SMAD1: variants seen among roughly 807,000 people sequenced by gnomAD.
SMAD1 encodes MAD, mothers against decapentaplegic homolog 1.
Under a neutral mutation model 41.6 loss-of-function variants are expected in SMAD1, and 6 were observed. The ratio of observed to expected loss-of-function variants is 0.14; its 90% CI spans 0.08 to 0.28. The LOEUF is 0.28. Ranked by LOEUF, SMAD1 falls within the 10% of genes least tolerant of loss-of-function variation. The pLI is 1.00. For synonymous variants in SMAD1, 206 were observed against 203.2 expected, an observed-to-expected ratio of 1.01 and a Z score of -0.12; for missense variants, 379 against 582.6, an observed-to-expected ratio of 0.65 and a Z score of 3.60.
intron 3 of SMAD1, among the ~76,000 whole-genome samples, chr4:145,541,481 C>A (rs534110269): frequency 6.6e-6 from 1 of 152,202 alleles, no homozygotes; most frequent in East Asian, 1.9e-4. Flanking sequence ...GAGATAAAGC[C>A]GAGTCAGCCT....
intron 1 of SMAD1, among the ~76,000 whole-genome samples, chr4:145,505,168 T>C (rs753732214): frequency 6.6e-6 from 1 of 152,158 alleles, no homozygotes; most frequent in Non-Finnish European, 1.5e-5. Context: ...GTAGTTTGTT[T>C]TATAGTAATG....
At chr4:145,496,380 G>A (rs1729075356) in intron 1 of SMAD1, among the ~76,000 whole-genome samples, 1 of 152,032 alleles carries the variant, frequency 6.6e-6, no homozygotes, top group African/African-American at 2.4e-5. Context: ...TGTTCTATAG[G>A]ACTCGTGTAA....
chr4:145,518,489 CAAAAA>C (rs1182470055), intron 2 of SMAD1, among the ~76,000 whole-genome samples: 1 of 84,078 alleles, frequency 1.2e-5, no homozygotes, highest in East Asian at 2.4e-4. Flanking sequence ...AACTCCATCT[CAAAAA>C]AAAAAAATAA....
rs752762368 is a variant in SMAD1 at position 145,542,667 on chromosome 4, G to A, written c.744G>A (p.Ala248=). The part of the protein sequence containing the change: ...GSQPMDTNMM[A]PPLPSEINRG... ...AGCCGATGGACACAAACATGATGGC[G>A]CCTCCCCTGCCCTCAGAAATCAACA... is the stretch of plus-strand genomic sequence containing the variant. The change falls in exon 4 of 7, where the codon GCG becomes GCA. Residue 248 remains alanine (A), a synonymous_variant. Coordinates refer to ENST00000302085, the MANE Select transcript of SMAD1 (RefSeq NM_005900.3). 9.3e-6 allele frequency: 15 copies of A among 1,612,082 alleles called. No homozygotes were observed. The African/African-American group carries it at 1.2e-4, about 13-fold the overall frequency.
Position 145,540,199 on chromosome 4 carries a change from A to T in SMAD1, c.658+138A>T, listed in dbSNP as rs1482166656. The T allele has an allele frequency of 3.2e-6, 3 of 948,538 alleles. No homozygotes were observed. The East Asian group carries it at 7.5e-5, about 24-fold the overall frequency. 58.8% of individuals were successfully genotyped at this position (948,538 alleles called of 1,614,324 possible). On this transcript the variant is annotated intron_variant, in intron 3 of 6. Transcript: ENST00000302085. Reference sequence around the variant, plus strand: ...GACATAGTGCTCTCGCACTTTTAGGATACAACTTTTGGTGAAAGGAGACCT... The same window carrying T: ...GACATAGTGCTCTCGCACTTTTAGGTTACAACTTTTGGTGAAAGGAGACCT...
At chr4:145,557,332 A>C (rs2126567147) in intron 6 of SMAD1, among the ~76,000 whole-genome samples, 1 of 152,356 alleles carries the variant, frequency 6.6e-6, no homozygotes, top group African/African-American at 2.4e-5. Flanking sequence ...TGAAAGATCA[A>C]GAGCTGTGTG....
chr4:145,533,231 T>C (rs992850574), intron 2 of SMAD1, among the ~76,000 whole-genome samples: 1 of 152,230 alleles, frequency 6.6e-6, no homozygotes, highest in Non-Finnish European at 1.5e-5. Context: ...TCTCTTTACT[T>C]TCCTGAATTT....
chr4:145,529,802 C>T (rs1373865578), intron 2 of SMAD1, among the ~76,000 whole-genome samples: 2 of 152,178 alleles, frequency 1.3e-5, no homozygotes, highest in Non-Finnish European at 2.9e-5. Flanking sequence ...GGGCCAGACA[C>T]CTAGCTCTCT....
At position 145,542,568 on chromosome 4, in the gene SMAD1, T is replaced by C. The variant is rs1732003935; in HGVS notation, c.659-14T>C. ...ACTAAGGGTTAAGAAATAACTTCTT[T>C]AAAAACTTTGTAGCTGATACGCCCC... On this transcript the variant is annotated splice_polypyrimidine_tract_variant and intron_variant, in intron 3 of 6. Transcript: ENST00000302085. The C allele has an allele frequency of 1.9e-6, 3 of 1,544,318 alleles. No individual in the cohort carries two copies. Among genetic ancestry groups the C allele is most frequent in the African/African-American group, 2.8e-5 (2 of 72,652 alleles).
At position 145,540,382 on chromosome 4, in the gene SMAD1, C is replaced by T. The variant is rs3756021; in HGVS notation, c.658+321C>T. Among the ~76,000 whole-genome samples, 25,990 of 152,200 alleles carry T rather than the reference C, an allele frequency of 0.17. 4,873 individuals carry two copies. The highest frequency in any genetic ancestry group is 0.46 in the African/African-American group (19,035 of 41,504). On this transcript the variant is annotated intron_variant, in intron 3 of 6. Coordinates refer to ENST00000302085, the MANE Select transcript of SMAD1 (RefSeq NM_005900.3). The stretch of plus-strand genomic sequence containing the variant: ...TTACTCTTGATAAAAAGAAAAATAC[C>T]GTGTTACACACATTTGCTCTTATGA...
At chr4:145,537,940 C>T (rs535780579) in intron 2 of SMAD1, among the ~76,000 whole-genome samples, 1 of 152,248 alleles carries the variant, frequency 6.6e-6, no homozygotes, top group East Asian at 1.9e-4. Context: ...TATTTTTGCA[C>T]CAACCTTAAT....
At chr4:145,544,198 T>G (rs1732113782) in intron 4 of SMAD1, 1 of 148,090 alleles carries the variant, frequency 6.8e-6, no homozygotes, top group African/African-American at 2.5e-5. Flanking sequence ...GCTAGGAAGG[T>G]GTGGGGGTGG....
intron 1 of SMAD1, among the ~76,000 whole-genome samples, chr4:145,503,501 G>T (rs1429416033): frequency 6.6e-6 from 1 of 151,860 alleles, no homozygotes; most frequent in Non-Finnish European, 1.5e-5. Context: ...CCCTTATTTT[G>T]CTTAGTGGTG....
intron 5 of SMAD1, among the ~76,000 whole-genome samples, chr4:145,553,161 A>G (rs561887272): frequency 2.0e-5 from 3 of 149,964 alleles, no homozygotes; most frequent in Non-Finnish European, 4.4e-5. Context: ...CCTGTCCACC[A>G]TGGCTTCCCA....
intron 5 of SMAD1, among the ~76,000 whole-genome samples, chr4:145,552,588 A>G (rs1732610037): frequency 6.6e-6 from 1 of 152,056 alleles, no homozygotes; most frequent in African/African-American, 2.4e-5. Context: ...GTTCAGTGAG[A>G]TCTAATTTTA....
chr4:145,509,080 G>A (rs1729940618), intron 1 of SMAD1, among the ~76,000 whole-genome samples: 1 of 152,206 alleles, frequency 6.6e-6, no homozygotes, highest in African/African-American at 2.4e-5. Context: ...GTAGGTAAAT[G>A]CACAGCACAT....
chr4:145,496,437 C>T (rs773574916), intron 1 of SMAD1, among the ~76,000 whole-genome samples: 13 of 151,918 alleles, frequency 8.6e-5, no homozygotes, highest in Admixed American at 7.9e-4. Flanking sequence ...CAAAACAGTG[C>T]GTGGTGATTC....
chr4:145,528,855 C>G (rs918651308), intron 2 of SMAD1, among the ~76,000 whole-genome samples: 3 of 152,310 alleles, frequency 2.0e-5, no homozygotes, highest in Admixed American at 1.3e-4. Context: ...GCCAGGCTGC[C>G]TAGGTTTGAA....
At position 145,558,016 on chromosome 4, in the gene SMAD1, C is replaced by A; in HGVS notation, c.*82C>A. The A allele has an allele frequency of 9.6e-7, 1 of 1,041,354 alleles. No homozygotes were observed. The highest frequency in any genetic ancestry group is 1.3e-6 in the Non-Finnish European group (1 of 753,476). 64.5% of individuals were successfully genotyped at this position (1,041,354 alleles called of 1,614,324 possible). On this transcript the variant is annotated 3_prime_UTR_variant, in exon 7 of 7. Transcript: ENST00000302085. Reference sequence around the variant, plus strand: ...TGGATGAGTCAGACACGATTGAGAACTGACAAAGGAGCCTTGATAATACTT... The same window carrying A: ...TGGATGAGTCAGACACGATTGAGAAATGACAAAGGAGCCTTGATAATACTT...
Sources: allele counts gnomAD v4.1 joint callset (sites outside exome capture counted in the v4.1 genomes callset), GRCh38; gene constraint gnomAD v4.1.1; transcripts MANE v1.5; gene names NCBI Gene and HGNC (gene_info 2026-07-23, HGNC 2026-07-21).